The following VWDE variants were observed in gnomAD, a reference collection of about 807,000 sequenced individuals.
VWDE encodes the protein von Willebrand factor D and EGF domains.
Under a neutral mutation model 178.4 loss-of-function variants are expected in VWDE, and 207 were observed. The ratio of observed to expected loss-of-function variants is 1.16; its 90% confidence interval spans 1.04 to 1.30. The LOEUF (loss-of-function observed/expected upper bound fraction) is 1.30, where lower values mean the gene tolerates loss of function less well. VWDE is among the 50% of genes most tolerant of loss of function. The pLI, the probability that VWDE is intolerant of heterozygous loss-of-function variation, is 0.00. For synonymous variants in VWDE, 738 were observed against 651.4 expected (o/e 1.13, Z -2.02); for missense variants, 2,287 against 1,901.3 (o/e 1.20, Z -3.77).
rs1039100371 is a variant in VWDE at position 12,336,089 on chromosome 7, T to A, written c.4654+52A>T. The A allele has an allele frequency of 4.1e-6, 6 of 1,446,952 alleles. No individual in the cohort carries two copies. The African/African-American group carries it at 4.3e-5, about 10-fold the overall frequency. 89.6% of individuals were successfully genotyped at this position (1,446,952 alleles called of 1,614,324 possible). On this transcript the variant is annotated intron_variant, in intron 27 of 28. Coordinates refer to ENST00000275358, the MANE Select transcript of VWDE (RefSeq NM_001135924.3). ...TCCTAAAGCTATACTTTAATTATTA[T>A]AACAGATTCCAATTCAGAACATATA...
chr7:12,346,601 T>C (rs1781611890), intron 19 of VWDE, among the ~76,000 whole-genome samples: 1 of 150,606 alleles, frequency 6.6e-6, no homozygotes, highest in Non-Finnish European at 1.5e-5. Flanking sequence ...AAAACATTTT[T>C]ACACATCTTT....
At chr7:12,376,190 T>C (rs1264011495) in intron 7 of VWDE, among the ~76,000 whole-genome samples, 1 of 152,102 alleles carries the variant, frequency 6.6e-6, no homozygotes, top group Non-Finnish European at 1.5e-5. Flanking sequence ...ATACAGAATA[T>C]TTCTAGCTTA....
Position 12,377,848 on chromosome 7 carries a change from T to C in VWDE, c.952A>G (p.Ile318Val), listed in dbSNP as rs1421864223. 1.3e-6 allele frequency: 2 copies of C among 1,530,178 alleles called. No individual in the cohort carries two copies. Among genetic ancestry groups the C allele is most frequent in the East Asian group, 2.5e-5 (1 of 40,026 alleles). The allele number at this position is 1,530,178 out of a possible 1,614,324, so 94.8% of individuals were successfully genotyped here. The change falls in exon 7 of 29, where the codon ATT becomes GTT. Residue 318 changes from isoleucine (I) to valine (V), a missense_variant. Transcript: ENST00000275358. Reference sequence around the variant, plus strand: ...AGCTCACTAAATTCAGAACAAATAATAGGAACTGTGCTTTCTATCCTCAGG... The same window carrying C: ...AGCTCACTAAATTCAGAACAAATAACAGGAACTGTGCTTTCTATCCTCAGG... The part of the protein sequence containing the change: ...YYLRIESTVP[I>V]ICSEFSELDQ...
At chr7:12,369,285 A>G (rs1026145279) in intron 12 of VWDE, among the ~76,000 whole-genome samples, 6 of 152,120 alleles carry the variant, frequency 3.9e-5, no homozygotes, top group African/African-American at 1.4e-4. Flanking sequence ...GGGTGACAGT[A>G]GCAGGGAATG....
intron 18 of VWDE, among the ~76,000 whole-genome samples, chr7:12,352,828 C>T (rs542935760): frequency 4.6e-5 from 7 of 152,178 alleles, no homozygotes; most frequent in Non-Finnish European, 8.8e-5. Flanking sequence ...TCAACACTGT[C>T]TTCTATAACT....
In VWDE at chr7:12,356,152, C is replaced by T. The variant is rs368327534; in HGVS notation, c.3704G>A (p.Gly1235Asp). The T allele has an allele frequency of 9.7e-6, 15 of 1,551,374 alleles. No individual in the cohort carries two copies. Among genetic ancestry groups the T allele is most frequent in the Non-Finnish European group, 3.5e-6 (4 of 1,146,996 alleles). Residue 1235 changes from glycine to aspartate, a missense_variant, in exon 18 of 29, where the codon GGT (glycine) becomes GAT (aspartate). Gly to Asp is a moderately conservative substitution (Grantham distance 94). Transcript: ENST00000275358. ...NPCGLGSYIS[G>D]FHSYSCDCPP... ...ACAATCACAGGAATAACTGTGAAAACCACTAATATAGCTGCCAAGACCACA... is the reference window on the plus strand; with the variant it reads ...ACAATCACAGGAATAACTGTGAAAATCACTAATATAGCTGCCAAGACCACA...
At chr7:12,346,366 AACT>A (rs1781598789) in intron 19 of VWDE, among the ~76,000 whole-genome samples, 1 of 152,130 alleles carries the variant, frequency 6.6e-6, no homozygotes, top group Admixed American at 6.6e-5. Flanking sequence ...AATCATTGAG[AACT>A]ACTACAAGAG....
intron 3 of VWDE, among the ~76,000 whole-genome samples, chr7:12,385,369 G>A (rs1236149997): frequency 6.6e-6 from 1 of 152,212 alleles, no homozygotes; most frequent in African/African-American, 2.4e-5. Context: ...TTCGAAGATA[G>A]AGATGATCCT....
At chr7:12,332,251 G>A (rs1339452673) in intron 28 of VWDE, among the ~76,000 whole-genome samples, 3 of 152,104 alleles carry the variant, frequency 2.0e-5, no homozygotes, top group African/African-American at 4.8e-5. Flanking sequence ...TTAGAAGCTT[G>A]GGAGAGCAGG....
At chr7:12,337,323 C>A (rs1781098812) in intron 24 of VWDE, 51 bp from the exon 25 acceptor site, 1 of 1,388,100 alleles carries the variant, frequency 7.2e-7, no homozygotes, top group Non-Finnish European at 1.0e-6. Flanking sequence ...CCCATTACTA[C>A]ATATGATACA....
intron 19 of VWDE, among the ~76,000 whole-genome samples, chr7:12,346,140 A>G (rs931660775): frequency 6.6e-6 from 1 of 152,158 alleles, no homozygotes; most frequent in African/African-American, 2.4e-5. Context: ...CAAGGAGCTT[A>G]TAATCTTTTG....
chr7:12,396,105 G>A (rs1327342054), intron 1 of VWDE, among the ~76,000 whole-genome samples: 1 of 152,100 alleles, frequency 6.6e-6, no homozygotes, highest in East Asian at 1.9e-4. Context: ...CATATACTTT[G>A]GAAGAATGTG....
At chr7:12,403,616 G>GGCGCCACTGCGCGC in intron 1 of VWDE, 43 bp downstream of exon 1, 7 of 1,522,196 alleles carry the variant, frequency 4.6e-6, no homozygotes, top group Non-Finnish European at 6.2e-6. Context: ...CCGCCCACGC[G>GGCGCCACTGCGCGC]GCGCCACTGC....
At chr7:12,399,284 A>C (rs904614305) in intron 1 of VWDE, among the ~76,000 whole-genome samples, 6 of 152,174 alleles carry the variant, frequency 3.9e-5, no homozygotes, top group Admixed American at 2.6e-4. Flanking sequence ...TGGCTGTACT[A>C]CTATCAAACA....
rs1185765656 is a variant in VWDE, at chr7:12,367,344, ATAAT to A, written c.2898+9_2898+12del. ...ATACACTCTATTGTTTCTGAACTCT[ATAAT>A]TAACATACCTGTAGCTTAGTAACTT... On this transcript the variant is annotated intron_variant, in intron 13 of 28. Transcript: ENST00000275358. The A allele has an allele frequency of 6.5e-7, 1 of 1,531,050 alleles. No individual in the cohort carries two copies. The highest frequency in any genetic ancestry group is 2.1e-5 in the Admixed American group (1 of 47,016). 94.8% of individuals were successfully genotyped at this position (1,531,050 alleles called of 1,614,324 possible). A position where few individuals can be genotyped will look rare whatever the true frequency, so the allele number is the denominator to read the frequency against.
At chr7:12,343,713 T>C (rs2128547319) in intron 21 of VWDE, among the ~76,000 whole-genome samples, 1 of 152,312 alleles carries the variant, frequency 6.6e-6, no homozygotes, top group South Asian at 2.1e-4. Context: ...AGGAATGCTA[T>C]TTCATAAATT....
In VWDE at chr7:12,356,284, G is replaced by C; in HGVS notation, c.3572C>G (p.Ser1191Cys). Residue 1191 changes from serine to cysteine, a missense_variant, in exon 18 of 29, where the codon TCT becomes TGT. Transcript: ENST00000275358. Reference protein sequence around the residue: ...CDCLNGGSCVSDRNFSPGSGV... With the variant: ...CDCLNGGSCVCDRNFSPGSGV... ...ACTCCCTGGAGAAAAGTTCCTATCA[G>C]ATACACATGATCCACCATTCAAGCA... 6.4e-7 allele frequency: 1 copy of C among 1,551,484 alleles called. No individual in the cohort carries two copies. The highest frequency in any genetic ancestry group is 8.7e-7 in the Non-Finnish European group (1 of 1,146,960).
chr7:12,346,808 T>C (rs566734430), intron 19 of VWDE, among the ~76,000 whole-genome samples: 2 of 152,084 alleles, frequency 1.3e-5, no homozygotes, highest in African/African-American at 2.4e-5. Context: ...ACTGTCTTCA[T>C]GCAAAGCTCT....
intron 1 of VWDE, among the ~76,000 whole-genome samples, chr7:12,395,241 T>C (rs1480548109): frequency 6.6e-6 from 1 of 151,852 alleles, no homozygotes; most frequent in Non-Finnish European, 1.5e-5. Context: ...TGTGCTATCA[T>C]TTCATCTAAT....
Sources: gnomAD v4.1 joint callset for allele counts (sites outside exome capture counted in the v4.1 genomes callset) on GRCh38, gnomAD v4.1.1 for gene constraint, MANE v1.5 for transcripts, NCBI Gene and HGNC (gene_info 2026-07-23, HGNC 2026-07-21) for gene names.